Variants in ATP11B observed in about 807,000 individuals in gnomAD.
The protein encoded by ATP11B is ATPase phospholipid transporting 11B (putative).
In ATP11B, 81 loss-of-function variants were observed where a neutral mutation model predicts 157.8. The observed-to-expected ratio is 0.51, with a 90% confidence interval of 0.43 to 0.62. The LOEUF (loss-of-function observed/expected upper bound fraction) is 0.62, where lower values mean the gene tolerates loss of function less well. Ranked by LOEUF, ATP11B falls within the 20% of genes least tolerant of loss-of-function variation. The pLI is 0.00. For synonymous variants in ATP11B, 451 were observed against 469.4 expected (o/e 0.96, Z 0.51); for missense variants, 1,165 against 1,402.2 (o/e 0.83, Z 2.70).
chr3:182,801,869 A>G (rs1489043043), intron 1 of ATP11B, among the ~76,000 whole-genome samples: 1 of 152,226 alleles, frequency 6.6e-6, no homozygotes, highest in Non-Finnish European at 1.5e-5. Context: ...TACATGCATA[A>G]TATGTATTGC....
At chr3:182,917,022 TCCCTAA>T (rs899198014) in intron 29 of ATP11B, 2 of 985,252 alleles carry the variant, frequency 2.0e-6, no homozygotes, top group African/African-American at 3.5e-5. Context: ...AACAAGTCCT[TCCCTAA>T]CCTAAGGTAG....
At chr3:182,888,922 G>T (rs1008148954) in intron 24 of ATP11B, among the ~76,000 whole-genome samples, 5 of 150,558 alleles carry the variant, frequency 3.3e-5, no homozygotes, top group Admixed American at 3.3e-4. Flanking sequence ...GAGTGCAGTG[G>T]CGTGATCTTA....
chr3:182,890,429 C>T (rs1329553006), intron 25 of ATP11B, among the ~76,000 whole-genome samples: 1 of 151,206 alleles, frequency 6.6e-6, no homozygotes, highest in Non-Finnish European at 1.5e-5. Context: ...TTCCCAAGTA[C>T]TATACTAGGC....
chr3:182,893,506 T>A (rs754969345), intron 25 of ATP11B, among the ~76,000 whole-genome samples: 2 of 152,250 alleles, frequency 1.3e-5, no homozygotes, highest in African/African-American at 2.4e-5. Flanking sequence ...CAGTTTCCTG[T>A]GAATGCCATG....
intron 1 of ATP11B, among the ~76,000 whole-genome samples, chr3:182,798,588 A>G (rs951830007): frequency 6.6e-6 from 1 of 152,246 alleles, no homozygotes; most frequent in African/African-American, 2.4e-5. Flanking sequence ...AAACTCAGGT[A>G]TTCCCAGCAA....
intron 9 of ATP11B, 74 bp downstream of exon 9, chr3:182,845,596 A>C: frequency 2.1e-6 from 2 of 931,406 alleles, no homozygotes; most frequent in Non-Finnish European, 3.1e-6. Flanking sequence ...TAAAAGTACA[A>C]TGTGGTCTTT....
At chr3:182,897,136 T>C (rs1400294517) in intron 26 of ATP11B, among the ~76,000 whole-genome samples, 167 bp from the exon 27 acceptor site, 1 of 152,144 alleles carries the variant, frequency 6.6e-6, no homozygotes, top group Admixed American at 6.5e-5. Flanking sequence ...TATTTCATTT[T>C]ATACTAGGAC....
intron 28 of ATP11B, chr3:182,905,735 C>G (rs956337169): frequency 2.2e-6 from 1 of 456,256 alleles, no homozygotes; most frequent in Admixed American, 2.4e-5. Flanking sequence ...TCTTAAACCT[C>G]TATATGGTGA....
intron 2 of ATP11B, among the ~76,000 whole-genome samples, chr3:182,827,110 T>A (rs1451476934): frequency 1.3e-5 from 2 of 152,166 alleles, no homozygotes; most frequent in African/African-American, 4.8e-5. Context: ...TAAAATGATA[T>A]CCCTGGCCTC....
chr3:182,812,956 A>T (rs193076147), intron 1 of ATP11B, among the ~76,000 whole-genome samples: 1 of 152,348 alleles, frequency 6.6e-6, no homozygotes, highest in East Asian at 1.9e-4. Flanking sequence ...ATATAAGAGG[A>T]ATCATACAAT....
At chr3:182,818,217 C>A (rs917177081) in intron 1 of ATP11B, among the ~76,000 whole-genome samples, 4 of 152,132 alleles carry the variant, frequency 2.6e-5, no homozygotes, top group African/African-American at 9.7e-5. Flanking sequence ...CAGTCTAATG[C>A]TCCAGATACC....
At chr3:182,886,648 A>G (rs1375820392) in intron 23 of ATP11B, among the ~76,000 whole-genome samples, 4 of 152,178 alleles carry the variant, frequency 2.6e-5, no homozygotes, top group Non-Finnish European at 1.5e-5. Context: ...TAAATTAAGT[A>G]ACTTGCCTTG....
intron 1 of ATP11B, among the ~76,000 whole-genome samples, chr3:182,800,214 GA>G (rs1259412803): frequency 6.6e-6 from 1 of 151,960 alleles, no homozygotes; most frequent in African/African-American, 2.4e-5. Flanking sequence ...CTTCAAGTTA[GA>G]AATTATATAT....
At chr3:182,798,964 A>G (rs1205564534) in intron 1 of ATP11B, among the ~76,000 whole-genome samples, 1 of 152,262 alleles carries the variant, frequency 6.6e-6, no homozygotes, top group Admixed American at 6.5e-5. Flanking sequence ...GGCTTAGGCC[A>G]TATTTCTGTT....
intron 1 of ATP11B, among the ~76,000 whole-genome samples, chr3:182,798,424 G>C (rs923240470): frequency 6.6e-6 from 1 of 152,118 alleles, no homozygotes; most frequent in African/African-American, 2.4e-5. Context: ...ACTGGCCTAG[G>C]GTGGTATTTT....
chr3:182,794,528 A>G (rs967025369), intron 1 of ATP11B, among the ~76,000 whole-genome samples: 1 of 152,218 alleles, frequency 6.6e-6, no homozygotes, highest in African/African-American at 2.4e-5. Context: ...GTTCTCCTCA[A>G]GGCAGTTTGA....
At chr3:182,851,977 C>T (rs921867259) in intron 10 of ATP11B, among the ~76,000 whole-genome samples, 3 of 152,140 alleles carry the variant, frequency 2.0e-5, no homozygotes, top group African/African-American at 7.2e-5. Context: ...CCTATGAAAA[C>T]TGAACACTAG....
At chr3:182,885,021 T>C (rs1694869199) in intron 22 of ATP11B, 123 bp downstream of exon 22, 5 of 643,874 alleles carry the variant, frequency 7.8e-6, no homozygotes, top group Non-Finnish European at 9.4e-6. Flanking sequence ...AACAGTATTT[T>C]GTCATAAATC....
chr3:182,898,791 A>G lies in ATP11B; in HGVS notation c.3318+19A>G. 1 of 1,451,204 alleles carries G rather than the reference A, an allele frequency of 6.9e-7. No homozygotes were observed. The highest frequency in any genetic ancestry group is 9.1e-7 in the Non-Finnish European group (1 of 1,094,018). The allele number at this position is 1,451,204 out of a possible 1,614,324, so 89.9% of individuals were successfully genotyped here. On this transcript the variant is annotated intron_variant, in intron 28 of 29. Transcript: ENST00000323116. ...GGCACAGGTAACCACTTTTTATAAT[A>G]AATTCAATATCTTTTTAGTTAGGGA...
Sources: allele counts gnomAD v4.1 joint callset (sites outside exome capture counted in the v4.1 genomes callset), GRCh38; gene constraint gnomAD v4.1.1; transcripts MANE v1.5; gene names NCBI Gene and HGNC (gene_info 2026-07-23, HGNC 2026-07-21).